MYO15B: variants seen among roughly 807,000 people sequenced by gnomAD.
MYO15B encodes the protein myosin XVB pseudogene.
MYO15B carries 207 observed loss-of-function variants against 119.3 expected under a neutral mutation model. The ratio of observed to expected loss-of-function variants is 1.73; its 90% CI spans 1.55 to 1.95. The LOEUF (loss-of-function observed/expected upper bound fraction) is 1.95, where lower values mean the gene tolerates loss of function less well. MYO15B is among the 30% of genes most tolerant of loss of function. MYO15B has a pLI of 0.00. For missense variants in MYO15B, 2,264 were observed against 1,203.1 expected (o/e 1.88, Z -13.04); for synonymous variants, 966 against 498.9 (o/e 1.94, Z -12.48).
intron 21 of MYO15B, among the ~76,000 whole-genome samples, chr17:75,606,527 G>A (rs2057665102): frequency 6.6e-6 from 1 of 150,804 alleles, no homozygotes; most frequent in Admixed American, 6.6e-5. Flanking sequence ...AGGCTGGAGT[G>A]TAATGGTGCG....
chr17:75,616,174 G>A (rs969258284), intron 37 of MYO15B, 27 bp downstream of exon 37: 7 of 571,438 alleles, frequency 1.2e-5, no homozygotes, highest in Middle Eastern at 2.6e-4. Context: ...TGGCAGGACC[G>A]TGCAGAAACA....
At position 75,624,077 on chromosome 17, in the gene MYO15B, A is replaced by C. The variant is rs556581547; in HGVS notation, c.8272+13A>C. 2.0e-5 allele frequency: 14 copies of C among 702,976 alleles called. No homozygotes were observed. The East Asian group carries it at 3.2e-4, about 16-fold the overall frequency. 43.5% of individuals were successfully genotyped at this position (702,976 alleles called of 1,614,324 possible). ...GGCCCCAGCCAAGGTGCCCGTGGGA[A>C]GGGGAGATGGAGGAGAGGCAGGGGT... On this transcript the variant is annotated intron_variant, in intron 55 of 63. Coordinates refer to ENST00000645453, the Ensembl canonical transcript of MYO15B.
chr17:75,617,629 G>A, intron 41 of MYO15B, 181 bp from the exon 42 acceptor site: 1 of 590,154 alleles, frequency 1.7e-6, no homozygotes, highest in South Asian at 2.0e-5. Flanking sequence ...CGGACGCCAG[G>A]GAAAGTTTAG....
chr17:75,609,869 T>A (rs1034484524), intron 21 of MYO15B, among the ~76,000 whole-genome samples: 1 of 151,928 alleles, frequency 6.6e-6, no homozygotes, highest in Admixed American at 6.6e-5. Context: ...ATTTTTGTAT[T>A]TTTAGTAGAC....
In MYO15B at chr17:75,605,137, CA is replaced by C. The variant is rs369988513; in HGVS notation, c.4017-356del. 2.3e-3 allele frequency among the ~76,000 whole-genome samples: 307 copies of C among 132,902 alleles called. 1 individual carries two copies. The highest frequency in any genetic ancestry group is 3.6e-3 in the Non-Finnish European group (224 of 62,740). 87.2% of individuals were successfully genotyped at this position (132,902 alleles called of 152,430 possible). A position where few individuals can be genotyped will look rare whatever the true frequency, so the allele number is the denominator to read the frequency against. On this transcript the variant is annotated intron_variant, in intron 19 of 63. Transcript: ENST00000645453. ...GGACAATGAGAATGAAACTCTGTCTCAAAAAAAAAAACCAAAAAGGCCGGGC... is the reference window on the plus strand; with the variant it reads ...GGACAATGAGAATGAAACTCTGTCTCAAAAAAAAAACCAAAAAGGCCGGGC...
chr17:75,614,247 G>A (rs1350943158), exon 30 of MYO15B: 3 of 702,736 alleles, frequency 4.3e-6, no homozygotes, highest in Admixed American at 2.0e-5. Flanking sequence ...TGCACTCCAG[G>A]GACGCATGGC....
exon 60 of MYO15B, chr17:75,625,184 C>T: frequency 2.8e-6 from 2 of 702,604 alleles, no homozygotes; most frequent in Non-Finnish European, 5.2e-6. Flanking sequence ...GCGCAGCTCG[C>T]CAGGCTGGCC....
At position 75,616,081 on chromosome 17, in the gene MYO15B, G is replaced by T. The variant is rs548338589; in HGVS notation, c.6043G>T (p.Glu2015Ter). ...CTGCTTCTGCCAGGAGACCTCCGAG[G>T]AGGCTGAAGACAGGCCCTATCAGCC... Residue 2015 changes from glutamate (E) to a stop codon, truncating the protein, a stop_gained, in exon 37 of 64, where the codon GAG becomes TAG. Transcript: ENST00000645453. LOFTEE classifies it high-confidence loss of function. 1 of 579,348 alleles carries T rather than the reference G, an allele frequency of 1.7e-6. No individual in the cohort carries two copies. Among genetic ancestry groups the T allele is most frequent in the Non-Finnish European group, 3.1e-6 (1 of 326,594 alleles). The allele number at this position is 579,348 out of a possible 1,614,324, so 35.9% of individuals were successfully genotyped here. A position where few individuals can be genotyped will look rare whatever the true frequency, so the allele number is the denominator to read the frequency against.
At chr17:75,617,137 C>T in exon 41 of MYO15B, 1 of 686,224 alleles carries the variant, frequency 1.5e-6, no homozygotes, top group Non-Finnish European at 2.7e-6. Context: ...GCTCCTCGAC[C>T]CAAGGCCCCG....
At chr17:75,616,749 G>A (rs1269013538) in exon 39 of MYO15B, 9 of 703,020 alleles carry the variant, frequency 1.3e-5, no homozygotes, top group African/African-American at 7.0e-5. Flanking sequence ...TACCAGAGCC[G>A]CCCGGGCCCC....
chr17:75,604,474 G>A (rs1416323604), intron 19 of MYO15B, among the ~76,000 whole-genome samples: 1 of 34,686 alleles, frequency 2.9e-5, no homozygotes, highest in Admixed American at 3.9e-4. Flanking sequence ...TTCCTGCCAC[G>A]CCCCTCCCTC....
chr17:75,620,066 C>T (rs1452248016), intron 47 of MYO15B, 46 bp downstream of exon 47: 9 of 680,302 alleles, frequency 1.3e-5, no homozygotes, highest in Non-Finnish European at 2.1e-5. Context: ...CAGCCCTCAC[C>T]GATGCTGCAT....
chr17:75,621,477 A>G (rs992379257), intron 51 of MYO15B, 24 bp from the exon 52 acceptor site: 5 of 701,244 alleles, frequency 7.1e-6, no homozygotes, highest in Non-Finnish European at 1.3e-5. Flanking sequence ...CCCCAGACCC[A>G]TGGCCTCCTC....
At chr17:75,605,300 G>A (rs987664465) in intron 19 of MYO15B, among the ~76,000 whole-genome samples, 9 of 152,278 alleles carry the variant, frequency 5.9e-5, no homozygotes, top group East Asian at 1.9e-4. Context: ...AGCCGGGTGC[G>A]GTGGCGGGCA....
chr17:75,617,579 G>GACA (rs76162182), intron 41 of MYO15B: 49 of 572,638 alleles, frequency 8.6e-5, no homozygotes, highest in Non-Finnish European at 1.2e-4. Context: ...GGAAGTTAGT[G>GACA]GCCCTGGCTG....
At chr17:75,624,566 G>A (rs1346565853) in exon 58 of MYO15B, 2 of 703,060 alleles carry the variant, frequency 2.8e-6, no homozygotes, top group South Asian at 1.5e-5. Flanking sequence ...TGCAGGAGGA[G>A]CTGTGCCGGC....
rs1311276721 is a variant in MYO15B at position 75,615,583 on chromosome 17, C to T, written c.5821C>T (p.Gln1941Ter). The T allele has an allele frequency of 2.9e-6, 2 of 701,034 alleles. No homozygotes were observed. The highest frequency in any genetic ancestry group is 2.7e-5 in the East Asian group (1 of 37,278). The allele number at this position is 701,034 out of a possible 1,614,324, so 43.4% of individuals were successfully genotyped here. A position where few individuals can be genotyped will look rare whatever the true frequency, so the allele number is the denominator to read the frequency against. Reference sequence around the variant, plus strand: ...CGTCCAGCAGCAGAACTTTATCCAGCAGCAGGCGCTAATCCTGGTGAGCGC... The same window carrying T: ...CGTCCAGCAGCAGAACTTTATCCAGTAGCAGGCGCTAATCCTGGTGAGCGC... The change falls in exon 35 of 64, where the codon CAG becomes TAG. Residue 1941 changes from glutamine to a stop codon, truncating the protein, a stop_gained. Coordinates refer to ENST00000645453, the Ensembl canonical transcript of MYO15B. LOFTEE classifies it high-confidence loss of function.
intron 1 of MYO15B, 161 bp downstream of exon 1, chr17:75,590,404 T>C (rs1046940588): frequency 4.0e-5 from 16 of 397,862 alleles, no homozygotes; most frequent in Non-Finnish European, 1.3e-5. Flanking sequence ...CAACAGGTGC[T>C]ACGTCCCCAG....
chr17:75,624,848 C>A (rs954473466), exon 59 of MYO15B: 1 of 703,024 alleles, frequency 1.4e-6, no homozygotes, highest in South Asian at 1.5e-5. Flanking sequence ...CCTGCACAGC[C>A]GGCGGCTCCA....
Sources: gnomAD v4.1 joint callset for allele counts (sites outside exome capture counted in the v4.1 genomes callset) on GRCh38, gnomAD v4.1.1 for gene constraint, MANE v1.5 for transcripts, NCBI Gene and HGNC (gene_info 2026-07-23, HGNC 2026-07-21) for gene names.